RIC1: variants seen among roughly 807,000 people sequenced by gnomAD.
RIC1 encodes guanine nucleotide exchange factor subunit RIC1.
RIC1 carries 88 observed loss-of-function variants against 169.0 expected under a neutral mutation model. The ratio of observed to expected loss-of-function variants is 0.52; its 90% CI spans 0.44 to 0.62. The LOEUF is 0.62. RIC1 is among the 20% of genes least tolerant of loss of function. The probability of loss-of-function intolerance (pLI) is 0.00; values close to 1 mark genes in which losing one functional copy is unlikely to be tolerated. For missense variants in RIC1, 1,877 were observed against 1,725.5 expected (o/e 1.09, Z -1.56); for synonymous variants, 790 against 601.5 (o/e 1.31, Z -4.59).
rs905815536 is a variant in RIC1 at position 5,768,901 on chromosome 9, C to G, written c.3138-69C>G. On this transcript the variant is annotated intron_variant, in intron 21 of 25. Transcript: ENST00000414202. ...CTCCTTGTCAGCTTTATCAGTACCT[C>G]TGCGTAATAAGGATGTGAAATCCTC... The G allele has an allele frequency of 2.0e-6, 3 of 1,488,710 alleles. 1 individual carries two copies. In the Middle Eastern group the frequency reaches 5.4e-4, roughly 269 times the overall value. The allele number at this position is 1,488,710 out of a possible 1,614,324, so 92.2% of individuals were successfully genotyped here. A position where few individuals can be genotyped will look rare whatever the true frequency, so the allele number is the denominator to read the frequency against.
chr9:5,654,404 G>T (rs750682416), intron 1 of RIC1, among the ~76,000 whole-genome samples: 12 of 152,082 alleles, frequency 7.9e-5, no homozygotes, highest in Admixed American at 7.2e-4. Context: ...CTGCCACCAT[G>T]TCCAGCTAAT....
chr9:5,771,925 G>GT (rs890042219), intron 23 of RIC1, among the ~76,000 whole-genome samples: 3 of 152,010 alleles, frequency 2.0e-5, no homozygotes, highest in Admixed American at 2.0e-4. Context: ...AAATATTTCA[G>GT]TTTTTTTCCT....
In RIC1 at chr9:5,770,254, T is replaced by G. The variant is rs143568220; in HGVS notation, c.3592T>G (p.Phe1198Val). The change falls in exon 23 of 26, where the codon TTC (phenylalanine) becomes GTC (valine). Residue 1198 changes from phenylalanine (F) to valine (V), a missense_variant. Physicochemically the swap from Phe to Val is conservative, Grantham distance 50 (BLOSUM62 -1). Transcript: ENST00000414202. ...CCATGGACCACAAATGCAAGATGCC[T>G]TCTTGTCACCTTTATCTAATAAAGG... ...SSHGPQMQDA[F>V]LSPLSNKGDE... 1.3e-4 allele frequency: 202 copies of G among 1,613,248 alleles called. No individual in the cohort carries two copies. The highest frequency in any genetic ancestry group is 9.9e-4 in the Middle Eastern group (6 of 6,076).
chr9:5,735,933 T>C (rs1159005683), intron 7 of RIC1, among the ~76,000 whole-genome samples: 6 of 152,222 alleles, frequency 3.9e-5, no homozygotes, highest in Non-Finnish European at 5.9e-5. Flanking sequence ...ATCTCTCTTA[T>C]AGAGATTTGC....
intron 3 of RIC1, among the ~76,000 whole-genome samples, chr9:5,695,027 A>C (rs1050283881): frequency 1.2e-4 from 19 of 152,200 alleles, no homozygotes; most frequent in African/African-American, 4.6e-4. Flanking sequence ...GATAAGTAAA[A>C]TACATTATGA....
intron 3 of RIC1, among the ~76,000 whole-genome samples, chr9:5,694,866 A>G (rs1821797901): frequency 6.6e-6 from 1 of 152,044 alleles, no homozygotes; most frequent in Admixed American, 6.6e-5. Flanking sequence ...TCTTCTGAAA[A>G]TTATTTTCAT....
At chr9:5,668,975 T>C (rs1250610459) in intron 2 of RIC1, among the ~76,000 whole-genome samples, 1 of 152,236 alleles carries the variant, frequency 6.6e-6, no homozygotes, top group Non-Finnish European at 1.5e-5. Flanking sequence ...TAATTTTTCA[T>C]TGAGAACTGG....
downstream of RIC1, among the ~76,000 whole-genome samples, chr9:5,777,849 C>T (rs564127376): frequency 3.9e-5 from 6 of 152,198 alleles, no homozygotes; most frequent in Admixed American, 6.5e-5. Context: ...TATGCCAATA[C>T]CACATTGCCT....
At chr9:5,684,716 C>G (rs1200632160) in intron 2 of RIC1, among the ~76,000 whole-genome samples, 5 of 151,950 alleles carry the variant, frequency 3.3e-5, no homozygotes, top group African/African-American at 9.7e-5. Context: ...TTTTTCTTGT[C>G]TGAATTTACT....
At chr9:5,742,843 T>G in intron 8 of RIC1, 26 bp from the exon 9 acceptor site, 1 of 1,592,132 alleles carries the variant, frequency 6.3e-7, no homozygotes, top group Non-Finnish European at 8.6e-7. Context: ...TATTTATTTT[T>G]AACTCTTCTC....
At position 5,719,771 on chromosome 9, in the gene RIC1, A is replaced by C. The variant is rs189094338; in HGVS notation, c.441-411A>C. Reference sequence around the variant, plus strand: ...TATAGAACATTTCCATCATTATTCAAAGTTTTATTGGACAAGTGCCAGAGC... The same window carrying C: ...TATAGAACATTTCCATCATTATTCACAGTTTTATTGGACAAGTGCCAGAGC... On this transcript the variant is annotated intron_variant, in intron 4 of 25. Coordinates refer to ENST00000414202, the MANE Select transcript of RIC1 (RefSeq NM_020829.4). Among the ~76,000 whole-genome samples, 5 of 152,298 alleles carry C rather than the reference A, an allele frequency of 3.3e-5. No individual in the cohort carries two copies. In the East Asian group the frequency reaches 7.7e-4, roughly 23 times the overall value.
Position 5,680,373 on chromosome 9 carries a change from A to G in RIC1, c.253-9586A>G, listed in dbSNP as rs188577109. On this transcript the variant is annotated intron_variant, in intron 2 of 25. Transcript: ENST00000414202. ...GGCGTCATCAAATGAGTTAGGGAGG[A>G]TTCCCTCTTTTTCTATTGATTGGAA... 5.9e-5 allele frequency among the ~76,000 whole-genome samples: 9 copies of G among 152,138 alleles called. No homozygotes were observed. The East Asian group carries it at 1.5e-3, about 26-fold the overall frequency.
At chr9:5,683,489 C>T (rs753343081) in intron 2 of RIC1, among the ~76,000 whole-genome samples, 1 of 152,206 alleles carries the variant, frequency 6.6e-6, no homozygotes, top group East Asian at 1.9e-4. Context: ...ATGCTGCTGC[C>T]TGATCGTTGC....
At chr9:5,669,004 G>A (rs1234617698) in intron 2 of RIC1, among the ~76,000 whole-genome samples, 2 of 152,122 alleles carry the variant, frequency 1.3e-5, no homozygotes, top group Admixed American at 1.3e-4. Flanking sequence ...TTATGTTGTG[G>A]TGACTTTGGA....
At chr9:5,684,414 T>C (rs529371061) in intron 2 of RIC1, among the ~76,000 whole-genome samples, 1 of 151,960 alleles carries the variant, frequency 6.6e-6, no homozygotes, top group South Asian at 2.1e-4. Context: ...ACAAGATGTA[T>C]TTCTCCATTG....
chr9:5,664,560 G>C (rs1234083135), intron 2 of RIC1, among the ~76,000 whole-genome samples: 3 of 151,994 alleles, frequency 2.0e-5, no homozygotes, highest in African/African-American at 7.2e-5. Flanking sequence ...CTTTCATTTT[G>C]ACCTTGCAGA....
intron 1 of RIC1, among the ~76,000 whole-genome samples, chr9:5,652,677 T>C (rs1563870584): frequency 7.5e-6 from 1 of 134,130 alleles, no homozygotes; most frequent in Non-Finnish European, 1.7e-5. Flanking sequence ...TTCCAATTAA[T>C]TTGGATACTT....
At chr9:5,743,896 C>G (rs1825225068) in intron 10 of RIC1, among the ~76,000 whole-genome samples, 159 bp downstream of exon 10, 2 of 152,046 alleles carry the variant, frequency 1.3e-5, no homozygotes, top group Admixed American at 6.6e-5. Flanking sequence ...TGCAGCCTCT[C>G]TAAGCGATCC....
At chr9:5,663,090 C>T (rs1470155243) in intron 2 of RIC1, among the ~76,000 whole-genome samples, 4 of 152,124 alleles carry the variant, frequency 2.6e-5, no homozygotes, top group African/African-American at 9.7e-5. Context: ...ATTATTTACT[C>T]AAGTCACTCA....
Sources: allele counts gnomAD v4.1 joint callset (sites outside exome capture counted in the v4.1 genomes callset), GRCh38; gene constraint gnomAD v4.1.1; transcripts MANE v1.5; gene names NCBI Gene and HGNC (gene_info 2026-07-23, HGNC 2026-07-21).